Variants in PCDHGA7 observed in about 807,000 individuals in gnomAD.
The protein encoded by PCDHGA7 is protocadherin gamma-A7.
PCDHGA7 carries 44 observed loss-of-function variants against 58.3 expected under a neutral mutation model. The observed-to-expected ratio is 0.75, with a 90% CI of 0.59 to 0.97. The LOEUF (loss-of-function observed/expected upper bound fraction) is 0.97. Among genes scored for constraint, PCDHGA7 ranks in the 50% least tolerant of loss-of-function variants. PCDHGA7 has a pLI of 0.00. For missense variants in PCDHGA7, 1,266 were observed against 1,188.7 expected, an observed-to-expected ratio of 1.06 and a Z score of -0.96; for synonymous variants, 516 against 504.2, an observed-to-expected ratio of 1.02 and a Z score of -0.31.
At chr5:141,421,930 G>A (rs780569992) in intron 1 of PCDHGA7, 1 of 1,613,480 alleles carries the variant, frequency 6.2e-7, no homozygotes, top group Non-Finnish European at 8.5e-7. Flanking sequence ...GGTGGTCCTC[G>A]ATGTAAATGA....
intron 1 of PCDHGA7, among the ~76,000 whole-genome samples, chr5:141,458,338 G>A (rs1160200932): frequency 2.6e-5 from 4 of 152,134 alleles, no homozygotes; most frequent in African/African-American, 9.7e-5. Context: ...GTTTTAAGGA[G>A]TGGAGAGTTT....
At chr5:141,421,079 T>A (rs2096545177) in intron 1 of PCDHGA7, 1 of 630,528 alleles carries the variant, frequency 1.6e-6, no homozygotes, top group Non-Finnish European at 2.7e-6. Context: ...AGATGGATAC[T>A]CACAGATCCT....
At chr5:141,408,055 C>CCGG in intron 1 of PCDHGA7, 1 of 1,299,130 alleles carries the variant, frequency 7.7e-7, no homozygotes, top group South Asian at 1.6e-5. Flanking sequence ...ACAGAGCCTC[C>CCGG]CGGCTGCGCA....
At position 141,512,523 on chromosome 5, in the gene PCDHGA7, T is replaced by A. The variant is rs1222752176; in HGVS notation, c.*1350T>A. 6.5e-6 allele frequency: 1 copy of A among 152,848 alleles called. No homozygotes were observed. The highest frequency in any genetic ancestry group is 1.5e-5 in the Non-Finnish European group (1 of 68,240). 9.5% of individuals were successfully genotyped at this position (152,848 alleles called of 1,614,324 possible). A position where few individuals can be genotyped will look rare whatever the true frequency, so the allele number is the denominator to read the frequency against. The stretch of plus-strand genomic sequence containing the variant: ...AGTGCGCCCCCTAGTGGCCATAGCC[T>A]GGTTAAAGTTCCCCAGTGCCTCCTT... On this transcript the variant is annotated 3_prime_UTR_variant, in exon 4 of 4. Transcript: ENST00000518325.
chr5:141,404,862 C>A, intron 1 of PCDHGA7: 1 of 1,613,848 alleles, frequency 6.2e-7, no homozygotes, highest in Non-Finnish European at 8.5e-7. Context: ...GATAGAGATG[C>A]GCTCAAACAG....
intron 1 of PCDHGA7, chr5:141,428,598 C>T (rs2097150047): frequency 4.5e-6 from 1 of 224,296 alleles, no homozygotes; most frequent in African/African-American, 2.3e-5. Context: ...TAGCAAGCTT[C>T]ACTGAAGAGA....
Position 141,489,557 on chromosome 5 carries a change from T to C in PCDHGA7, c.2425-5250T>C, listed in dbSNP as rs150797955. 54 of 1,613,956 alleles carry C rather than the reference T, an allele frequency of 3.3e-5. 1 individual carries two copies. Among genetic ancestry groups the C allele is most frequent in the Non-Finnish European group, 4.3e-5 (51 of 1,180,004 alleles). On this transcript the variant is annotated intron_variant, in intron 1 of 3. Coordinates refer to ENST00000518325, the MANE Select transcript of PCDHGA7 (RefSeq NM_018920.4). The surrounding 1 kb of genome is among the most constrained non-coding windows in gnomAD (Gnocchi z 4.5). ...GCCAGCACCAGCTGCCTGCTGCCAG[T>C]GCAGGTGGTGACTGAACACCCCCTG...
In PCDHGA7 at chr5:141,487,883, G is replaced by A; in HGVS notation, c.2425-6924G>A. ...GGTGATCAAGAGCCAGGCTGTTGTG[G>A]AAGCATGATGATGGAATGTGGGAGC... is the stretch of plus-strand genomic sequence containing the variant. On this transcript the variant is annotated intron_variant, in intron 1 of 3. Transcript: ENST00000518325. This position sits in a 1 kb window ranked among gnomAD's most constrained non-coding sequence, Gnocchi z 5.0. The A allele has an allele frequency of 1.3e-6, 1 of 766,586 alleles. No homozygotes were observed. The highest frequency in any genetic ancestry group is 1.8e-5 in the South Asian group (1 of 55,094). 47.5% of individuals were successfully genotyped at this position (766,586 alleles called of 1,614,324 possible).
At chr5:141,453,029 A>G (rs1014709934) in intron 1 of PCDHGA7, among the ~76,000 whole-genome samples, 1 of 152,206 alleles carries the variant, frequency 6.6e-6, no homozygotes, top group Non-Finnish European at 1.5e-5. Context: ...TCATTAAAAT[A>G]AAGTTTGTTT....
chr5:141,383,383 G>A lies in PCDHGA7; in HGVS notation c.484G>A (p.Val162Met). 6.2e-7 allele frequency: 1 copy of A among 1,614,036 alleles called. No homozygotes were observed. Among genetic ancestry groups the A allele is most frequent in the Non-Finnish European group, 8.5e-7 (1 of 1,179,908 alleles). Residue 162 changes from valine (V) to methionine (M), a missense_variant, in exon 1 of 4, where the codon GTG becomes ATG. Val to Met is a conservative substitution (Grantham distance 21, BLOSUM62 1). Transcript: ENST00000518325. Reference protein sequence around the residue: ...FPLSEAGDPDVGTNSLQSYQL... With the variant: ...FPLSEAGDPDMGTNSLQSYQL... ...GTTAAGCGAGGCTGGGGATCCAGAT[G>A]TGGGCACGAACTCCCTCCAGAGTTA... is the stretch of plus-strand genomic sequence containing the variant.
chr5:141,477,002 G>A lies in PCDHGA7; in HGVS notation c.2425-17805G>A, dbSNP rs770390597. On this transcript the variant is annotated intron_variant, in intron 1 of 3. Coordinates refer to ENST00000518325, the MANE Select transcript of PCDHGA7 (RefSeq NM_018920.4). The surrounding 1 kb of genome is among the most constrained non-coding windows in gnomAD (Gnocchi z 4.9). ...CCGCGCCGGCGTGCGGCAACTATTC[G>A]CCTTAGACCTTGTAACCGGGATGCT... 6.2e-7 allele frequency: 1 copy of A among 1,614,102 alleles called. No homozygotes were observed. The highest frequency in any genetic ancestry group is 1.3e-5 in the African/African-American group (1 of 74,952).
intron 1 of PCDHGA7, among the ~76,000 whole-genome samples, chr5:141,397,772 A>G (rs1352118170): frequency 6.6e-6 from 1 of 152,238 alleles, no homozygotes; most frequent in Non-Finnish European, 1.5e-5. Context: ...TATTAAGTAT[A>G]TGGACGTAAA....
intron 1 of PCDHGA7, chr5:141,389,710 C>T: frequency 6.2e-7 from 1 of 1,612,586 alleles, no homozygotes; most frequent in Non-Finnish European, 8.5e-7. Flanking sequence ...GTGCTGCAGG[C>T]TAGCGAGCCC....
intron 1 of PCDHGA7, chr5:141,420,199 C>G (rs764130526): frequency 6.2e-7 from 1 of 1,613,362 alleles, no homozygotes; most frequent in Non-Finnish European, 8.5e-7. Flanking sequence ...CACAAGATAA[C>G]CTCAACAAAG....
chr5:141,383,567 C>T lies in PCDHGA7; in HGVS notation c.668C>T (p.Ser223Phe). The T allele has an allele frequency of 6.2e-7, 1 of 1,613,214 alleles. No homozygotes were observed. Among genetic ancestry groups the T allele is most frequent in the Non-Finnish European group, 8.5e-7 (1 of 1,179,706 alleles). ...TCTGATGGCGGCGACCCGCCCCGAT[C>T]CAGCACCGCCCACATCCAGGTGACA... ...TASDGGDPPRSSTAHIQVTVV... is the reference protein window; with the variant it reads ...TASDGGDPPRFSTAHIQVTVV... Residue 223 changes from serine to phenylalanine, a missense_variant, in exon 1 of 4, where the codon TCC becomes TTC. By Grantham distance (155) the Ser-to-Phe change is radical. Coordinates refer to ENST00000518325, the MANE Select transcript of PCDHGA7 (RefSeq NM_018920.4).
chr5:141,450,110 G>C (rs2098669636), intron 1 of PCDHGA7, among the ~76,000 whole-genome samples: 1 of 147,716 alleles, frequency 6.8e-6, no homozygotes. Context: ...AGGTTCAAAT[G>C]ATTCTCCTGC....
At chr5:141,395,648 T>G (rs2093296043) in intron 1 of PCDHGA7, 1 of 167,156 alleles carries the variant, frequency 6.0e-6, no homozygotes, top group South Asian at 1.9e-4. Context: ...GTTATTAGCT[T>G]AGCAAAAGTA....
Position 141,511,015 on chromosome 5 carries a change from C to A in PCDHGA7, c.2641C>A (p.Pro881Thr). Residue 881 changes from proline (P) to threonine (T), a missense_variant, in exon 4 of 4, where the codon CCC becomes ACC. Coordinates refer to ENST00000518325, the MANE Select transcript of PCDHGA7 (RefSeq NM_018920.4). ...GTMGLSARYG[P>T]QFTLQHVPDY... ...CATGGGATTGAGCGCCCGCTACGGA[C>A]CCCAGTTCACCCTGCAGCACGTGCC... 6.2e-7 allele frequency: 1 copy of A among 1,614,224 alleles called. No individual in the cohort carries two copies. The highest frequency in any genetic ancestry group is 8.5e-7 in the Non-Finnish European group (1 of 1,180,038).
At position 141,487,577 on chromosome 5, in the gene PCDHGA7, C is replaced by T; in HGVS notation, c.2425-7230C>T. 1 of 1,614,150 alleles carries T rather than the reference C, an allele frequency of 6.2e-7. No homozygotes were observed. Among genetic ancestry groups the T allele is most frequent in the Non-Finnish European group, 8.5e-7 (1 of 1,180,024 alleles). On this transcript the variant is annotated intron_variant, in intron 1 of 3. Transcript: ENST00000518325. This position sits in a 1 kb window ranked among gnomAD's most constrained non-coding sequence, Gnocchi z 5.0. ...ACCTATGGCAGGGGAGCCTGTTCGCCCAAGCTGCCCACCCTCTGATCTTCT... is the reference window on the plus strand; with the variant it reads ...ACCTATGGCAGGGGAGCCTGTTCGCTCAAGCTGCCCACCCTCTGATCTTCT...
Sources: allele counts gnomAD v4.1 joint callset (sites outside exome capture counted in the v4.1 genomes callset), GRCh38; gene constraint gnomAD v4.1.1; non-coding constraint Gnocchi (gnomAD v3.1); transcripts MANE v1.5; gene names NCBI Gene and HGNC (gene_info 2026-07-23, HGNC 2026-07-21).